Variants in VWF observed in about 807,000 individuals in gnomAD.
VWF encodes the protein von Willebrand factor.
A neutral mutation model predicts 308.6 loss-of-function variants in VWF; 176 were observed. That is an observed-to-expected ratio of 0.57 (90% CI 0.50 to 0.65). VWF has a LOEUF of 0.65. Ranked by LOEUF, VWF falls within the 30% of genes least tolerant of loss-of-function variation. The pLI, the probability that VWF is intolerant of heterozygous loss-of-function variation, is 0.00. For synonymous variants in VWF, 1,385 were observed against 1,443.4 expected (o/e 0.96, Z 0.92); for missense variants, 3,146 against 3,648.2 (o/e 0.86, Z 3.55).
At chr12:6,051,652 C>CG (rs1231102860) in intron 16 of VWF, among the ~76,000 whole-genome samples, 1 of 152,040 alleles carries the variant, frequency 6.6e-6, no homozygotes, top group African/African-American at 2.4e-5. Context: ...CTCTGTCGCC[C>CG]GGGCTAGAAT....
At position 6,046,696 on chromosome 12, in the gene VWF, T is replaced by C; in HGVS notation, c.2281+27A>G. On this transcript the variant is annotated intron_variant, in intron 17 of 51. Coordinates refer to ENST00000261405, the MANE Select transcript of VWF (RefSeq NM_000552.5). The surrounding 1 kb of genome is among the most constrained non-coding windows in gnomAD (Gnocchi z 5.0). ...AGGAATCTGGGCAGGATGGAGTCAA[T>C]GGGCCTTCCAGGGGGACAGTACTCA... 1 of 1,607,054 alleles carries C rather than the reference T, an allele frequency of 6.2e-7. No individual in the cohort carries two copies. Among genetic ancestry groups the C allele is most frequent in the Non-Finnish European group, 8.5e-7 (1 of 1,173,732 alleles).
intron 47 of VWF, among the ~76,000 whole-genome samples, chr12:5,955,370 C>A (rs1185421140): frequency 6.6e-6 from 1 of 151,814 alleles, no homozygotes; most frequent in East Asian, 1.9e-4. Context: ...CTCCCCACTC[C>A]CCCCACCCCA....
rs1461054351 is a variant in VWF, at chr12:6,020,364, C to G, written c.3675-621G>C. Among the ~76,000 whole-genome samples the G allele has an allele frequency of 2.0e-5, 3 of 152,228 alleles. No homozygotes were observed. Among genetic ancestry groups the G allele is most frequent in the Non-Finnish European group, 4.4e-5 (3 of 68,036 alleles). On this transcript the variant is annotated intron_variant, in intron 27 of 51. Transcript: ENST00000261405. The surrounding 1 kb of genome is among the most constrained non-coding windows in gnomAD (Gnocchi z 4.3). The stretch of plus-strand genomic sequence containing the variant: ...AGCAGAACAAATTATTTGGGAGTAG[C>G]AGACAGGGGTCTCCACGGTGTCAGG...
At chr12:6,070,619 C>T (rs1484807473) in intron 10 of VWF, among the ~76,000 whole-genome samples, 1 of 152,314 alleles carries the variant, frequency 6.6e-6, no homozygotes, top group South Asian at 2.1e-4. Context: ...CAGTGGCCAG[C>T]ACATAGAAAA....
chr12:6,053,290 C>T (rs1463980050), intron 15 of VWF, among the ~76,000 whole-genome samples: 1 of 152,202 alleles, frequency 6.6e-6, no homozygotes, highest in Non-Finnish European at 1.5e-5. Context: ...GGGCTCTATG[C>T]CTCATGCCGA....
chr12:6,071,530 T>C (rs995041593), intron 9 of VWF, among the ~76,000 whole-genome samples, 187 bp from the exon 10 acceptor site: 3 of 151,996 alleles, frequency 2.0e-5, no homozygotes, highest in Admixed American at 6.5e-5. Flanking sequence ...CACAAAGGAA[T>C]CTTAGAGATA....
chr12:6,018,728 G>A lies in VWF; in HGVS notation c.4690C>T (p.Arg1564Trp), dbSNP rs370854023. The A allele has an allele frequency of 6.8e-6, 11 of 1,613,330 alleles. No individual in the cohort carries two copies. The highest frequency in any genetic ancestry group is 1.7e-4 in the Middle Eastern group (1 of 5,974). ...CCCTGGTAGCGGATCTCTCGCACCC[G>A]CTGCAGGATGTCCCCTTTGGACTGT... ...EAQSKGDILQ[R>W]VREIRYQGGN... The change falls in exon 28 of 52, where the codon CGG (arginine) becomes TGG (tryptophan). Residue 1564 changes from arginine to tryptophan, a missense_variant. Arg to Trp is a moderately radical substitution (Grantham distance 101, BLOSUM62 -3). Transcript: ENST00000261405.
intron 42 of VWF, among the ~76,000 whole-genome samples, chr12:5,979,891 A>C (rs1317414858): frequency 6.6e-6 from 1 of 150,402 alleles, no homozygotes; most frequent in African/African-American, 2.4e-5. Context: ...AATACAAAAA[A>C]TTAGCCGGGC....
At chr12:6,026,567 T>C (rs1944195154) in intron 22 of VWF, among the ~76,000 whole-genome samples, 1 of 152,214 alleles carries the variant, frequency 6.6e-6, no homozygotes, top group Admixed American at 6.5e-5. Context: ...CAGGAAGATA[T>C]GTCTCACCTG....
intron 10 of VWF, 116 bp from the exon 11 acceptor site, chr12:6,065,389 C>T (rs1944702249): frequency 1.5e-6 from 2 of 1,364,278 alleles, no homozygotes; most frequent in Admixed American, 3.9e-5. Flanking sequence ...CATGGACGTC[C>T]TTTGCCCAAA....
chr12:6,030,472 A>G (rs1944248032), intron 21 of VWF, among the ~76,000 whole-genome samples: 1 of 152,180 alleles, frequency 6.6e-6, no homozygotes. Context: ...AGATACCAGG[A>G]CAAGTTTGTG....
intron 18 of VWF, among the ~76,000 whole-genome samples, chr12:6,040,329 G>A (rs1020421619): frequency 1.3e-5 from 2 of 152,192 alleles, no homozygotes; most frequent in East Asian, 3.9e-4. Context: ...TCATTTTATC[G>A]ATCCGGCAGG....
At chr12:5,951,707 A>G in intron 50 of VWF, 137 bp downstream of exon 50, 1 of 1,020,712 alleles carries the variant, frequency 9.8e-7, no homozygotes, top group Admixed American at 1.8e-5. Context: ...AGTGGTCACG[A>G]AATATCTTTC....
At position 6,057,047 on chromosome 12, in the gene VWF, C is replaced by A. The variant is rs1029179878; in HGVS notation, c.1755G>T (p.Ala585=). The change falls in exon 15 of 52, where the codon GCG becomes GCT. Residue 585 remains alanine, a synonymous_variant. Transcript: ENST00000261405. ...RMTRFSEEAC[A]VLTSPTFEAC... ...CCTCGAATGTGGGGGACGTCAGGAC[C>A]GCGCACGCCTCCTCGGAGAACCTGG... The A allele has an allele frequency of 1.3e-6, 2 of 1,544,912 alleles. No homozygotes were observed. Among genetic ancestry groups the A allele is most frequent in the African/African-American group, 1.4e-5 (1 of 73,654 alleles).
In VWF at chr12:5,971,630, G is replaced by A. The variant is rs181094101; in HGVS notation, c.7517C>T (p.Pro2506Leu). 1.8e-5 allele frequency: 29 copies of A among 1,614,182 alleles called. No homozygotes were observed. The South Asian group carries it at 2.6e-4, about 15-fold the overall frequency. ...PSACEVVTGS[P>L]RGDSQSSWKS... The stretch of plus-strand genomic sequence containing the variant: ...CCAGGAAGACTGGGAGTCCCCCCGC[G>A]GTGAGCCAGTCACCACCTCACAGGC... The change falls in exon 44 of 52, where the codon CCG (proline) becomes CTG (leucine). Residue 2506 changes from proline to leucine, a missense_variant. Transcript: ENST00000261405.
At chr12:6,006,623 C>T (rs1943929975) in intron 34 of VWF, among the ~76,000 whole-genome samples, 1 of 151,814 alleles carries the variant, frequency 6.6e-6, no homozygotes. Context: ...ACTAAAAATA[C>T]AAAAAATTAG....
intron 47 of VWF, among the ~76,000 whole-genome samples, chr12:5,960,869 C>T (rs912369965): frequency 4.1e-4 from 62 of 152,184 alleles, no homozygotes; most frequent in African/African-American, 1.4e-3. Context: ...AGTACCAGTC[C>T]GGTCAGTGGC....
At chr12:5,956,511 A>C (rs1943252233) in intron 47 of VWF, among the ~76,000 whole-genome samples, 1 of 152,120 alleles carries the variant, frequency 6.6e-6, no homozygotes, top group Non-Finnish European at 1.5e-5. Flanking sequence ...TAAAGATAAA[A>C]AAATGCCTAT....
At chr12:6,119,021 C>T (rs570711206) in intron 3 of VWF, among the ~76,000 whole-genome samples, 2 of 152,370 alleles carry the variant, frequency 1.3e-5, no homozygotes, top group Admixed American at 6.5e-5. Flanking sequence ...TTACCACGGC[C>T]AAGGCCATTC....
Sources: gnomAD v4.1 joint callset for allele counts (sites outside exome capture counted in the v4.1 genomes callset) on GRCh38, gnomAD v4.1.1 for gene constraint, Gnocchi (gnomAD v3.1) non-coding constraint, MANE v1.5 for transcripts, NCBI Gene and HGNC (gene_info 2026-07-23, HGNC 2026-07-21) for gene names.